The following NLRP3 variants were observed in gnomAD, a reference collection of about 807,000 sequenced individuals.
The protein encoded by NLRP3 is NACHT, LRR and PYD domains-containing protein 3.
In NLRP3, 48 loss-of-function variants were observed where a neutral mutation model predicts 91.3. The observed-to-expected ratio is 0.53, with a 90% CI of 0.42 to 0.67. NLRP3 has a LOEUF of 0.67. Ranked by LOEUF, NLRP3 falls within the 30% of genes least tolerant of loss-of-function variation. NLRP3 has a pLI of 0.00. For synonymous variants in NLRP3, 561 were observed against 507.9 expected (o/e 1.10, Z -1.41); for missense variants, 982 against 1,276.9 (o/e 0.77, Z 3.52).
At chr1:247,445,543 G>C (rs1664531850) in intron 9 of NLRP3, among the ~76,000 whole-genome samples, 1 of 152,154 alleles carries the variant, frequency 6.6e-6, no homozygotes, top group South Asian at 2.1e-4. Flanking sequence ...TCCAGGAATA[G>C]CAAGATGGGA....
chr1:247,429,512 C>A (rs2103131733), intron 4 of NLRP3, 73 bp from the exon 5 acceptor site: 2 of 1,560,664 alleles, frequency 1.3e-6, no homozygotes, highest in East Asian at 4.5e-5. Context: ...TGCCAGGCAC[C>A]CCGGCCCCCA....
chr1:247,427,395 T>C (rs1662969405), intron 4 of NLRP3, among the ~76,000 whole-genome samples: 1 of 152,116 alleles, frequency 6.6e-6, no homozygotes, highest in South Asian at 2.1e-4. Flanking sequence ...TCATTAAGAG[T>C]GAGGTGGAAG....
At chr1:247,439,735 G>T (rs1664072015) in intron 7 of NLRP3, among the ~76,000 whole-genome samples, 1 of 152,074 alleles carries the variant, frequency 6.6e-6, no homozygotes, top group African/African-American at 2.4e-5. Context: ...ATTTTTCTGT[G>T]ATATCCTTTT....
chr1:247,436,845 C>T (rs994431439), intron 7 of NLRP3, among the ~76,000 whole-genome samples: 1 of 152,218 alleles, frequency 6.6e-6, no homozygotes, highest in African/African-American at 2.4e-5. Flanking sequence ...CATGCACTTT[C>T]CCTGTACCAC....
Position 247,418,460 on chromosome 1 carries a change from C to A in NLRP3, c.-341C>A, listed in dbSNP as rs1313692443. The A allele has an allele frequency of 2.9e-6, 1 of 342,636 alleles. No homozygotes were observed. The highest frequency in any genetic ancestry group is 7.7e-5 in the East Asian group (1 of 12,926). The allele number at this position is 342,636 out of a possible 1,614,324, so 21.2% of individuals were successfully genotyped here. A position where few individuals can be genotyped will look rare whatever the true frequency, so the allele number is the denominator to read the frequency against. On this transcript the variant is annotated 5_prime_UTR_variant, in exon 2 of 10. Coordinates refer to ENST00000336119, the MANE Select transcript of NLRP3 (RefSeq NM_001243133.2). Reference sequence around the variant, plus strand: ...GGGATTACAGGCGCCCGCCACCACACCCGGCTCATTTTTGTACTTTTAGTA... The same window carrying A: ...GGGATTACAGGCGCCCGCCACCACAACCGGCTCATTTTTGTACTTTTAGTA...
chr1:247,428,266 C>T (rs555509933), intron 4 of NLRP3, among the ~76,000 whole-genome samples: 1 of 152,128 alleles, frequency 6.6e-6, no homozygotes, highest in South Asian at 2.1e-4. Flanking sequence ...AGGACAGACT[C>T]TGACTGGAGC....
At chr1:247,447,105 G>T (rs1347854950) in intron 9 of NLRP3, among the ~76,000 whole-genome samples, 2 of 152,144 alleles carry the variant, frequency 1.3e-5, no homozygotes, top group Non-Finnish European at 2.9e-5. Context: ...GTTTTCTCAG[G>T]CTGCGATAAC....
At chr1:247,431,286 C>T (rs1663305455) in intron 5 of NLRP3, among the ~76,000 whole-genome samples, 1 of 152,198 alleles carries the variant, frequency 6.6e-6, no homozygotes, top group Admixed American at 6.5e-5. Context: ...GGCCGCCTCA[C>T]TAGCTCTGTT....
chr1:247,428,197 C>G (rs535713653), intron 4 of NLRP3, among the ~76,000 whole-genome samples: 17 of 148,614 alleles, frequency 1.1e-4, no homozygotes, highest in Non-Finnish European at 2.2e-4. Context: ...CAGACTCTGA[C>G]GGGAGCCCTG....
intron 5 of NLRP3, among the ~76,000 whole-genome samples, chr1:247,433,390 G>A (rs1004622623): frequency 9.9e-5 from 15 of 152,200 alleles, no homozygotes; most frequent in African/African-American, 2.9e-4. Flanking sequence ...TTAGGAACAC[G>A]AGGGAAGGAG....
chr1:247,442,530 G>C (rs1664304789), intron 7 of NLRP3, among the ~76,000 whole-genome samples: 1 of 151,972 alleles, frequency 6.6e-6, no homozygotes, highest in African/African-American at 2.4e-5. Context: ...GCATTTTTGG[G>C]GTTTTATGCT....
intron 6 of NLRP3, among the ~76,000 whole-genome samples, chr1:247,435,726 G>A (rs1306453732): frequency 6.6e-6 from 1 of 152,156 alleles, no homozygotes; most frequent in Non-Finnish European, 1.5e-5. Context: ...TATTTTACAC[G>A]TATTTTACCA....
rs780095257 is a variant in NLRP3, at chr1:247,424,373, C to A, written c.924C>A (p.Ala308=). 2 of 1,614,142 alleles carry A rather than the reference C, an allele frequency of 1.2e-6. No individual in the cohort carries two copies. The highest frequency in any genetic ancestry group is 1.7e-6 in the Non-Finnish European group (2 of 1,180,034). ...ACGGCTTCGATGAGCTGCAAGGTGCCTTTGACGAGCACATAGGACCGCTCT... is the reference window on the plus strand; with the variant it reads ...ACGGCTTCGATGAGCTGCAAGGTGCATTTGACGAGCACATAGGACCGCTCT... ...LMDGFDELQG[A]FDEHIGPLCT... is the part of the protein sequence containing the mutation. The change falls in exon 4 of 10, where the codon GCC becomes GCA. Residue 308 remains alanine (A), a synonymous_variant. Transcript: ENST00000336119. The surrounding 1 kb of genome is among the most constrained non-coding windows in gnomAD (Gnocchi z 8.1).
At chr1:247,448,307 T>C in intron 9 of NLRP3, 98 bp from the exon 10 acceptor site, 4 of 581,436 alleles carry the variant, frequency 6.9e-6, no homozygotes, top group South Asian at 4.2e-5. Flanking sequence ...TAGAAGTGTG[T>C]GGAGTTTAGG....
At chr1:247,421,881 C>T (rs938590553) in intron 2 of NLRP3, among the ~76,000 whole-genome samples, 1 of 152,108 alleles carries the variant, frequency 6.6e-6, no homozygotes, top group African/African-American at 2.4e-5. Flanking sequence ...CTACCTGAGT[C>T]CCAGTTACTC....
In NLRP3 at chr1:247,425,647, T is replaced by C. The variant is rs199517932; in HGVS notation, c.2150+48T>C. 1.3e-6 allele frequency: 2 copies of C among 1,565,546 alleles called. No individual in the cohort carries two copies. The highest frequency in any genetic ancestry group is 1.1e-5 in the South Asian group (1 of 90,168). ...TGCTTCCTCCTGCTTCCTCGCCAGC[T>C]TCTTCTTGGCGCTTGCCTCCTCTCA... On this transcript the variant is annotated intron_variant, in intron 4 of 9. Coordinates refer to ENST00000336119, the MANE Select transcript of NLRP3 (RefSeq NM_001243133.2). The surrounding 1 kb of genome is among the most constrained non-coding windows in gnomAD (Gnocchi z 4.1).
chr1:247,438,172 A>C (rs988393107), intron 7 of NLRP3, among the ~76,000 whole-genome samples: 10 of 152,146 alleles, frequency 6.6e-5, no homozygotes, highest in African/African-American at 2.2e-4. Context: ...GGGTCCTTAT[A>C]GGTCGTACAG....
intron 5 of NLRP3, among the ~76,000 whole-genome samples, chr1:247,431,926 T>A (rs1663361569): frequency 6.6e-6 from 1 of 152,150 alleles, no homozygotes; most frequent in South Asian, 2.1e-4. Context: ...TGAGATGGAC[T>A]CTCGCCGTGT....
Position 247,420,866 on chromosome 1 carries a change from C to T in NLRP3, c.277+1789C>T, listed in dbSNP as rs60889666. Among the ~76,000 whole-genome samples the T allele has an allele frequency of 8.2e-3, 1,256 of 152,288 alleles. 16 individuals are homozygous for T. The highest frequency in any genetic ancestry group is 0.028 in the African/African-American group (1,172 of 41,540). On this transcript the variant is annotated intron_variant, in intron 2 of 9. Transcript: ENST00000336119. ...CTGTACCTACCCCCTGGGCACCTGC[C>T]ATGATTAGTCCCTCTTTATCTGAAT...
Sources: allele counts gnomAD v4.1 joint callset (sites outside exome capture counted in the v4.1 genomes callset), GRCh38; gene constraint gnomAD v4.1.1; non-coding constraint Gnocchi (gnomAD v3.1); transcripts MANE v1.5; gene names NCBI Gene and HGNC (gene_info 2026-07-23, HGNC 2026-07-21).